The following COL4A4 variants were observed in gnomAD, a reference collection of about 807,000 sequenced individuals.
COL4A4 encodes the protein collagen type IV alpha 4 chain.
COL4A4 carries 105 observed loss-of-function variants against 192.9 expected under a neutral mutation model. The observed-to-expected ratio is 0.54, with a 90% CI of 0.46 to 0.64. COL4A4 has a LOEUF of 0.64. COL4A4 is among the 30% of genes least tolerant of loss of function. The pLI is 0.00. For missense variants in COL4A4, 1,967 were observed against 2,169.3 expected (o/e 0.91, Z 1.85); for synonymous variants, 762 against 769.9 (o/e 0.99, Z 0.17).
chr2:227,039,361 G>T (rs757957040), intron 37 of COL4A4, among the ~76,000 whole-genome samples: 15 of 152,038 alleles, frequency 9.9e-5, no homozygotes, highest in Admixed American at 2.6e-4. Flanking sequence ...TACAGATGGG[G>T]TTTCGCTATA....
intron 22 of COL4A4, 41 bp downstream of exon 22, chr2:227,088,612 G>C: frequency 3.7e-6 from 6 of 1,608,736 alleles, no homozygotes; most frequent in Non-Finnish European, 5.1e-6. Flanking sequence ...CTAATACCAT[G>C]TCTCTTTTAA....
intron 3 of COL4A4, among the ~76,000 whole-genome samples, chr2:227,142,802 A>C (rs2063310781): frequency 6.6e-6 from 1 of 151,968 alleles, no homozygotes; most frequent in Non-Finnish European, 1.5e-5. Flanking sequence ...TTAATGTCTT[A>C]TACTTGTAAT....
chr2:227,030,826 C>T (rs559269538), intron 40 of COL4A4, among the ~76,000 whole-genome samples: 1 of 152,032 alleles, frequency 6.6e-6, no homozygotes, highest in Admixed American at 6.5e-5. Flanking sequence ...CAAAATGAAC[C>T]CAAGCAAAAC....
chr2:227,143,225 A>G (rs2063337626), intron 3 of COL4A4, among the ~76,000 whole-genome samples: 1 of 152,180 alleles, frequency 6.6e-6, no homozygotes, highest in Admixed American at 6.5e-5. Flanking sequence ...TTGTTTAACC[A>G]GTTGTTGTTG....
the COL4A4 span, among the ~76,000 whole-genome samples, chr2:226,970,910 C>A: frequency 6.6e-6 from 1 of 152,268 alleles, no homozygotes; most frequent in East Asian, 1.9e-4. Flanking sequence ...CTTTTGAAAG[C>A]CCTGCCCCAC....
At chr2:227,062,729 C>T (rs1977449812) in intron 25 of COL4A4, 131 bp from the exon 26 acceptor site, 2 of 715,144 alleles carry the variant, frequency 2.8e-6, no homozygotes, top group African/African-American at 1.8e-5. Flanking sequence ...AAGAAGACTC[C>T]CAAGTATCAT....
intron 4 of COL4A4, among the ~76,000 whole-genome samples, chr2:227,130,280 A>G (rs1447776511): frequency 1.3e-5 from 2 of 152,226 alleles, no homozygotes; most frequent in African/African-American, 2.4e-5. Context: ...TGCAGTGGGA[A>G]GAACCCTGCA....
chr2:226,981,679 C>T, the COL4A4 span, among the ~76,000 whole-genome samples: 1 of 152,150 alleles, frequency 6.6e-6, no homozygotes, highest in African/African-American at 2.4e-5. Flanking sequence ...TAATTAGACT[C>T]AGGGTTAAAT....
intron 22 of COL4A4, among the ~76,000 whole-genome samples, chr2:227,084,251 A>G (rs1216190355): frequency 1.3e-5 from 2 of 152,236 alleles, no homozygotes; most frequent in Non-Finnish European, 2.9e-5. Flanking sequence ...AGAAATGGAT[A>G]AAGAAAATGC....
intron 25 of COL4A4, among the ~76,000 whole-genome samples, chr2:227,064,999 C>T (rs2058210934): frequency 6.6e-6 from 1 of 152,198 alleles, no homozygotes; most frequent in Non-Finnish European, 1.5e-5. Context: ...CTAGGGAGTG[C>T]CAGACAGTGG....
At chr2:226,987,945 C>A in the COL4A4 span, among the ~76,000 whole-genome samples, 9 of 152,124 alleles carry the variant, frequency 5.9e-5, no homozygotes, top group Non-Finnish European at 5.9e-5. Flanking sequence ...ACCACTGCAG[C>A]AAACTGGGCA....
rs971177655 is a variant in COL4A4 at position 227,098,697 on chromosome 2, C to T, written c.1201G>A (p.Ala401Thr). ...GLLGRPGEAC[A>T]GMIGPPGPQG... ...GGGCACATCAGGGCATCCGTACCTGCACAGGCTTCCCCTGGTCTGCCCAAG... is the reference window on the plus strand; with the variant it reads ...GGGCACATCAGGGCATCCGTACCTGTACAGGCTTCCCCTGGTCTGCCCAAG... Residue 401 changes from alanine (A) to threonine (T), a missense_variant, in exon 19 of 48, where the codon GCA (alanine) becomes ACA (threonine). Ala to Thr is a moderately conservative substitution (Grantham distance 58, BLOSUM62 0). Transcript: ENST00000396625. 4 of 1,613,598 alleles carry T rather than the reference C, an allele frequency of 2.5e-6. No individual in the cohort carries two copies.
At chr2:227,074,410 G>C (rs1158653213) in intron 25 of COL4A4, among the ~76,000 whole-genome samples, 1 of 152,092 alleles carries the variant, frequency 6.6e-6, no homozygotes, top group Non-Finnish European at 1.5e-5. Flanking sequence ...ATAGATATTG[G>C]CATGGATGTG....
the COL4A4 span, among the ~76,000 whole-genome samples, chr2:226,991,221 G>A: frequency 6.6e-6 from 1 of 152,096 alleles, no homozygotes; most frequent in East Asian, 1.9e-4. Flanking sequence ...TCACTCTGTT[G>A]CCAGGCTGAA....
downstream of COL4A4, among the ~76,000 whole-genome samples, chr2:227,001,113 GAGAC>G (rs1236025253): frequency 1.5e-5 from 2 of 129,794 alleles, no homozygotes; most frequent in African/African-American, 6.2e-5. Context: ...TTTTTTTTTT[GAGAC>G]AGAGTCTCGC....
intron 37 of COL4A4, among the ~76,000 whole-genome samples, chr2:227,035,833 G>C (rs930812022): frequency 1.3e-5 from 2 of 152,098 alleles, no homozygotes; most frequent in Admixed American, 6.5e-5. Flanking sequence ...GAATGTCTCT[G>C]CTTCTGCCAG....
intron 44 of COL4A4, among the ~76,000 whole-genome samples, chr2:227,019,007 C>A (rs775897272): frequency 9.2e-5 from 14 of 152,170 alleles, no homozygotes; most frequent in Non-Finnish European, 1.6e-4. Flanking sequence ...TAGTTACTTT[C>A]TTTGGTTATT....
the COL4A4 span, among the ~76,000 whole-genome samples, chr2:226,986,030 G>A: frequency 1.3e-4 from 20 of 152,360 alleles, no homozygotes; most frequent in East Asian, 3.9e-4. Context: ...TTGACAGCAC[G>A]TTGATATGTG....
the COL4A4 span, among the ~76,000 whole-genome samples, chr2:226,970,105 GAA>G: frequency 1.6e-3 from 246 of 150,564 alleles, no homozygotes; most frequent in African/African-American, 5.8e-3. Flanking sequence ...GAAGAAAAGG[GAA>G]AAGAGAAAAA....
Sources: allele counts gnomAD v4.1 joint callset (sites outside exome capture counted in the v4.1 genomes callset), GRCh38; gene constraint gnomAD v4.1.1; transcripts MANE v1.5; gene names NCBI Gene and HGNC (gene_info 2026-07-23, HGNC 2026-07-21).